The following LRRC4C variants were observed in gnomAD, a reference collection of about 807,000 sequenced individuals.
The protein encoded by LRRC4C is leucine rich repeat containing 4C.
In LRRC4C, 5 loss-of-function variants were observed where a neutral mutation model predicts 33.6. The observed-to-expected ratio is 0.15, with a 90% CI of 0.08 to 0.31. LRRC4C has a LOEUF of 0.31. Ranked by LOEUF, LRRC4C falls within the 10% of genes least tolerant of loss-of-function variation. The pLI is 1.00. For synonymous variants in LRRC4C, 329 were observed against 302.0 expected (o/e 1.09, Z -0.93); for missense variants, 560 against 796.7 (o/e 0.70, Z 3.58).
intron 1 of LRRC4C, among the ~76,000 whole-genome samples, chr11:41,377,675 T>C (rs1952988618): frequency 6.6e-6 from 1 of 152,176 alleles, no homozygotes; most frequent in Non-Finnish European, 1.5e-5. Flanking sequence ...ATCCTTCAAA[T>C]ACACAATATT....
chr11:41,220,408 G>T (rs902342343), intron 1 of LRRC4C, among the ~76,000 whole-genome samples: 6 of 151,866 alleles, frequency 4.0e-5, no homozygotes, highest in Non-Finnish European at 7.4e-5. Flanking sequence ...GAATCTCTCT[G>T]GTTATCTGCT....
rs190216281 is a variant in LRRC4C at position 40,675,635 on chromosome 11, G to A, written c.-406-27357C>T. ...CTGTATGCACCACAAAGATGGCTGTGTCTGACTTGTTCACCACTTTATCTT... is the reference window on the plus strand; with the variant it reads ...CTGTATGCACCACAAAGATGGCTGTATCTGACTTGTTCACCACTTTATCTT... On this transcript the variant is annotated intron_variant, in intron 2 of 6. Coordinates refer to ENST00000528697, the MANE Select transcript of LRRC4C (RefSeq NM_001258419.2). Among the ~76,000 whole-genome samples, 297 of 152,274 alleles carry A rather than the reference G, an allele frequency of 2.0e-3. 1 individual carries two copies. Among genetic ancestry groups the A allele is most frequent in the Non-Finnish European group, 2.0e-3 (133 of 68,024 alleles).
At chr11:40,526,179 A>G (rs960291235) in intron 3 of LRRC4C, among the ~76,000 whole-genome samples, 57 of 152,286 alleles carry the variant, frequency 3.7e-4, no homozygotes. Context: ...TGGCTAGACA[A>G]AAGTAATTAT....
intron 5 of LRRC4C, among the ~76,000 whole-genome samples, chr11:40,236,306 C>G (rs1458078774): frequency 6.6e-6 from 1 of 152,178 alleles, no homozygotes; most frequent in East Asian, 1.9e-4. Flanking sequence ...GCTTAAGGAG[C>G]TATAGGTCCT....
intron 3 of LRRC4C, among the ~76,000 whole-genome samples, chr11:40,550,321 A>T (rs558462270): frequency 4.1e-4 from 63 of 152,230 alleles, no homozygotes; most frequent in African/African-American, 1.5e-3. Flanking sequence ...CCAAGGTTTT[A>T]CCTCAAATGT....
intron 1 of LRRC4C, among the ~76,000 whole-genome samples, chr11:40,942,285 T>G (rs1043651833): frequency 1.3e-5 from 2 of 152,152 alleles, no homozygotes; most frequent in African/African-American, 4.8e-5. Context: ...CATTGGATCT[T>G]AAGAGCAGCT....
intron 3 of LRRC4C, among the ~76,000 whole-genome samples, chr11:40,416,723 A>G (rs1950336877): frequency 6.6e-6 from 1 of 152,208 alleles, no homozygotes; most frequent in Non-Finnish European, 1.5e-5. Context: ...CCTTATTCAG[A>G]CAAGAAAATA....
intron 2 of LRRC4C, among the ~76,000 whole-genome samples, chr11:40,895,710 G>A (rs1955908917): frequency 6.6e-6 from 1 of 151,786 alleles, no homozygotes; most frequent in Non-Finnish European, 1.5e-5. Context: ...AATTCATTTG[G>A]CCACTGGATA....
chr11:41,355,148 A>G (rs1952115764), intron 1 of LRRC4C, among the ~76,000 whole-genome samples: 1 of 152,116 alleles, frequency 6.6e-6, no homozygotes, highest in African/African-American at 2.4e-5. Flanking sequence ...AGCTCCATTT[A>G]AAAATGGGCA....
At position 40,625,511 on chromosome 11, in the gene LRRC4C, C is replaced by T. The variant is rs112794241; in HGVS notation, c.-270+22631G>A. 1.2e-3 allele frequency among the ~76,000 whole-genome samples: 188 copies of T among 152,162 alleles called. 1 individual carries two copies. Among genetic ancestry groups the T allele is most frequent in the African/African-American group, 4.2e-3 (176 of 41,498 alleles). On this transcript the variant is annotated intron_variant, in intron 3 of 6. Coordinates refer to ENST00000528697, the MANE Select transcript of LRRC4C (RefSeq NM_001258419.2). ...ATCACGAGAACAGCATGGGGGAAAACCTGTCCCCCTGATTCACTTACCTCC... is the reference window on the plus strand; with the variant it reads ...ATCACGAGAACAGCATGGGGGAAAATCTGTCCCCCTGATTCACTTACCTCC...
chr11:40,547,672 C>T (rs1342273374), intron 3 of LRRC4C, among the ~76,000 whole-genome samples: 1 of 151,988 alleles, frequency 6.6e-6, no homozygotes, highest in Non-Finnish European at 1.5e-5. Context: ...CTGAATAACA[C>T]AATGAACTTA....
At chr11:41,008,049 T>C (rs1854895489) in intron 1 of LRRC4C, among the ~76,000 whole-genome samples, 1 of 152,124 alleles carries the variant, frequency 6.6e-6, no homozygotes, top group South Asian at 2.1e-4. Flanking sequence ...TATTCTTTCA[T>C]ACTTCATTTC....
chr11:41,391,626 T>G (rs116689173), intron 1 of LRRC4C, among the ~76,000 whole-genome samples: 2 of 152,016 alleles, frequency 1.3e-5, no homozygotes, highest in East Asian at 3.9e-4. Context: ...TCTCACTTAT[T>G]TCCACATTTG....
intron 1 of LRRC4C, among the ~76,000 whole-genome samples, chr11:41,055,257 C>G (rs776936271): frequency 6.6e-6 from 1 of 152,078 alleles, no homozygotes. Flanking sequence ...GAAGGTAGTG[C>G]TAGTCTATTG....
chr11:40,252,167 G>T (rs747163899), intron 4 of LRRC4C, among the ~76,000 whole-genome samples: 20 of 151,580 alleles, frequency 1.3e-4, no homozygotes, highest in Non-Finnish European at 1.0e-4. Flanking sequence ...ATCTCAAGCG[G>T]TGGTACACAC....
intron 2 of LRRC4C, among the ~76,000 whole-genome samples, chr11:40,671,568 T>A (rs969164774): frequency 6.6e-6 from 1 of 152,020 alleles, no homozygotes; most frequent in African/African-American, 2.4e-5. Context: ...TGCCTAAGGA[T>A]CTTTGCAATT....
intron 5 of LRRC4C, among the ~76,000 whole-genome samples, chr11:40,194,229 G>A (rs1213552149): frequency 1.3e-5 from 2 of 152,134 alleles, no homozygotes; most frequent in Non-Finnish European, 2.9e-5. Flanking sequence ...ATCCACAAAG[G>A]GAAGCCCATC....
chr11:40,277,391 T>G (rs1220023373), intron 4 of LRRC4C, among the ~76,000 whole-genome samples: 1 of 152,056 alleles, frequency 6.6e-6, no homozygotes, highest in Non-Finnish European at 1.5e-5. Flanking sequence ...GCTGGGTAGC[T>G]GCCCTGGCCA....
chr11:40,372,556 C>T (rs74523529), intron 3 of LRRC4C, among the ~76,000 whole-genome samples: 2,203 of 152,200 alleles, frequency 0.014, 46 homozygotes, highest in African/African-American at 0.05. Flanking sequence ...TCTTTTGCCG[C>T]GTAACATAAC....
Sources: allele counts gnomAD v4.1 joint callset (sites outside exome capture counted in the v4.1 genomes callset), GRCh38; gene constraint gnomAD v4.1.1; transcripts MANE v1.5; gene names NCBI Gene and HGNC (gene_info 2026-07-23, HGNC 2026-07-21).